Variants in JPT1 observed in about 807,000 individuals in gnomAD.
JPT1 encodes the protein Jupiter microtubule associated homolog 1.
In JPT1, 5 loss-of-function variants were observed where a neutral mutation model predicts 17.0. That is an observed-to-expected ratio of 0.29 (90% confidence interval 0.15 to 0.62). The LOEUF (loss-of-function observed/expected upper bound fraction) is 0.62, where lower values mean the gene tolerates loss of function less well. JPT1 is among the 20% of genes least tolerant of loss of function. The probability of loss-of-function intolerance (pLI) is 0.85; values close to 1 mark genes in which losing one functional copy is unlikely to be tolerated. For synonymous variants in JPT1, 71 were observed against 73.6 expected, an observed-to-expected ratio of 0.96 and a Z score of 0.18; for missense variants, 158 against 188.1, an observed-to-expected ratio of 0.84 and a Z score of 0.94.
At chr17:75,150,536 G>GCCACTGCA (rs2074528554) in intron 1 of JPT1, among the ~76,000 whole-genome samples, 1 of 152,128 alleles carries the variant, frequency 6.6e-6, no homozygotes, top group Admixed American at 6.5e-5. Context: ...ACAGGCGTGA[G>GCCACTGCA]CCACTGCACC....
intron 1 of JPT1, among the ~76,000 whole-genome samples, chr17:75,150,182 A>T (rs1014165039): frequency 2.0e-5 from 3 of 151,142 alleles, no homozygotes; most frequent in African/African-American, 7.3e-5. Context: ...CCTTGGAAAA[A>T]CTCAATTTAA....
intron 3 of JPT1, 141 bp from the exon 4 acceptor site, chr17:75,146,825 T>C (rs1349946394): frequency 3.1e-6 from 2 of 636,830 alleles, no homozygotes. Context: ...AGGGTCAGTC[T>C]GCTACCTCTA....
intron 1 of JPT1, chr17:75,153,078 C>T (rs1441666506): frequency 6.6e-6 from 1 of 152,138 alleles, no homozygotes; most frequent in East Asian, 1.9e-4. Flanking sequence ...CAAAATGGCT[C>T]CCTTTGTGCC....
At chr17:75,140,413 TAAGCATCAA>T (rs2074286326) in intron 4 of JPT1, among the ~76,000 whole-genome samples, 1 of 152,192 alleles carries the variant, frequency 6.6e-6, no homozygotes, top group South Asian at 2.1e-4. Flanking sequence ...TGATTCATTG[TAAGCATCAA>T]AGAATCAGAA....
At chr17:75,145,811 C>A (rs117088962) in intron 4 of JPT1, 1 of 152,258 alleles carries the variant, frequency 6.6e-6, no homozygotes, top group Non-Finnish European at 1.5e-5. Context: ...TGCTGGGGCT[C>A]TTGCCAGTAA....
rs1240281459 is a variant in JPT1 at position 75,135,724 on chromosome 17, C to G, written c.*378G>C. 7.6e-6 allele frequency: 2 copies of G among 262,118 alleles called. No homozygotes were observed. The highest frequency in any genetic ancestry group is 1.4e-5 in the Non-Finnish European group (2 of 139,098). 16.2% of individuals were successfully genotyped at this position (262,118 alleles called of 1,614,324 possible). ...AGACTCCCTGTGGGTTGGGGCCTGG[C>G]AGGAACGGTGCCTGTGGACTGTTTA... On this transcript the variant is annotated 3_prime_UTR_variant, in exon 5 of 5. Coordinates refer to ENST00000409753, the MANE Select transcript of JPT1 (RefSeq NM_016185.4).
Position 75,151,894 on chromosome 17 carries a change from G to A in JPT1, c.56+2448C>T, listed in dbSNP as rs538724699. Among the ~76,000 whole-genome samples, 6 of 151,984 alleles carry A rather than the reference G, an allele frequency of 3.9e-5. No homozygotes were observed. The East Asian group carries it at 1.2e-3, about 29-fold the overall frequency. Reference sequence around the variant, plus strand: ...TGAGGCAGGAGAATCGCTTGAACCTGGAAAGCAGAGGTTGCGGTGAGCAGA... The same window carrying A: ...TGAGGCAGGAGAATCGCTTGAACCTAGAAAGCAGAGGTTGCGGTGAGCAGA... On this transcript the variant is annotated intron_variant, in intron 1 of 4. Transcript: ENST00000409753.
At chr17:75,146,847 A>G (rs898931817) in intron 3 of JPT1, 163 bp from the exon 4 acceptor site, 1 of 579,160 alleles carries the variant, frequency 1.7e-6, no homozygotes, top group Non-Finnish European at 3.1e-6. Context: ...CCAACTCAGG[A>G]CAATGCTATG....
In JPT1 at chr17:75,136,168, C is replaced by T. The variant is rs776043638; in HGVS notation, c.399G>A (p.Val133=). The T allele has an allele frequency of 6.2e-7, 1 of 1,614,176 alleles. No individual in the cohort carries two copies. The highest frequency in any genetic ancestry group is 2.2e-5 in the East Asian group (1 of 44,876). ...TTCTGGATGGCACTGGGGCCGGGGC[C>T]ACCGGGCTGGGCACAGGCGCAGCAG... The part of the protein sequence containing the change: ...PVPAAPVPSP[V]APAPVPSRRN... Residue 133 remains valine (V), a synonymous_variant, in exon 5 of 5, where the codon GTG becomes GTA. Transcript: ENST00000409753.
At chr17:75,149,241 A>G (rs2074497758) in intron 1 of JPT1, 1 of 373,648 alleles carries the variant, frequency 2.7e-6, no homozygotes, top group African/African-American at 2.1e-5. Context: ...CTGTGGTCCC[A>G]GCTACACTGG....
chr17:75,146,842 T>G (rs2074447458), intron 3 of JPT1, 158 bp from the exon 4 acceptor site: 5 of 600,536 alleles, frequency 8.3e-6, no homozygotes, highest in Non-Finnish European at 1.5e-5. Flanking sequence ...TCTATCCAAC[T>G]CAGGACAATG....
chr17:75,154,484 A>T lies in JPT1; in HGVS notation c.-87T>A, dbSNP rs1465476612. On this transcript the variant is annotated 5_prime_UTR_variant, in exon 1 of 5. Coordinates refer to ENST00000409753, the MANE Select transcript of JPT1 (RefSeq NM_016185.4). ...GGCGCTGGGAAACTCCACACCCAACAGCCGACCACCGCTGCAGGAGCCGCC... is the reference window on the plus strand; with the variant it reads ...GGCGCTGGGAAACTCCACACCCAACTGCCGACCACCGCTGCAGGAGCCGCC... 13 of 1,284,958 alleles carry T rather than the reference A, an allele frequency of 1.0e-5. No individual in the cohort carries two copies. Among genetic ancestry groups the T allele is most frequent in the Admixed American group, 4.3e-5 (2 of 46,538 alleles). The allele number at this position is 1,284,958 out of a possible 1,614,324, so 79.6% of individuals were successfully genotyped here. A position where few individuals can be genotyped will look rare whatever the true frequency, so the allele number is the denominator to read the frequency against.
chr17:75,136,819 A>G (rs1336441832), intron 4 of JPT1, among the ~76,000 whole-genome samples: 1 of 152,186 alleles, frequency 6.6e-6, no homozygotes, highest in Non-Finnish European at 1.5e-5. Flanking sequence ...AAATAAGAAC[A>G]GGGAACTCTA....
chr17:75,149,225 G>T (rs927711006), intron 1 of JPT1: 1 of 396,058 alleles, frequency 2.5e-6, no homozygotes, highest in South Asian at 1.9e-5. Flanking sequence ...GCGTAGTGGC[G>T]CATGCCTGTG....
At chr17:75,142,578 AG>A (rs2074337134) in intron 4 of JPT1, among the ~76,000 whole-genome samples, 4 of 68,508 alleles carry the variant, frequency 5.8e-5, no homozygotes, top group African/African-American at 1.2e-4. Context: ...GGGAGGGGAG[AG>A]GGAGGGAGAG....
At chr17:75,150,775 C>A (rs1006859474) in intron 1 of JPT1, among the ~76,000 whole-genome samples, 2 of 151,546 alleles carry the variant, frequency 1.3e-5, no homozygotes, top group South Asian at 4.2e-4. Flanking sequence ...TGATTCAATT[C>A]CTTTACTGGT....
At chr17:75,149,940 ATCTC>A (rs1555652235) in intron 1 of JPT1, among the ~76,000 whole-genome samples, 1 of 152,044 alleles carries the variant, frequency 6.6e-6, no homozygotes, top group Non-Finnish European at 1.5e-5. Context: ...AGTCTCTTCT[ATCTC>A]AACCTCACTA....
intron 4 of JPT1, 162 bp from the exon 5 acceptor site, chr17:75,136,412 T>A: frequency 1.7e-6 from 1 of 593,442 alleles, no homozygotes; most frequent in Non-Finnish European, 2.9e-6. Context: ...TCCACAGAAT[T>A]AACCATTGTT....
chr17:75,142,276 C>A (rs1002956816), intron 4 of JPT1, among the ~76,000 whole-genome samples: 2 of 151,346 alleles, frequency 1.3e-5, no homozygotes, highest in African/African-American at 2.4e-5. Flanking sequence ...AGCAGTAGAA[C>A]CGGCCGGGCC....
Sources: allele counts gnomAD v4.1 joint callset (sites outside exome capture counted in the v4.1 genomes callset), GRCh38; gene constraint gnomAD v4.1.1; transcripts MANE v1.5; gene names NCBI Gene and HGNC (gene_info 2026-07-23, HGNC 2026-07-21).